Variants in ACSL3 observed in about 807,000 individuals in gnomAD.
ACSL3 encodes the protein fatty acid CoA ligase Acsl3.
In ACSL3, 34 loss-of-function variants were observed where a neutral mutation model predicts 84.7. The observed-to-expected ratio is 0.40, with a 90% CI of 0.31 to 0.53. The LOEUF is 0.53. Among genes scored for constraint, ACSL3 ranks in the 20% least tolerant of loss-of-function variants. The pLI, the probability that ACSL3 is intolerant of heterozygous loss-of-function variation, is 0.48. For missense variants in ACSL3, 680 were observed against 873.1 expected (o/e 0.78, Z 2.79); for synonymous variants, 315 against 299.4 (o/e 1.05, Z -0.54).
chr2:222,928,595 C>T (rs896387627), intron 12 of ACSL3, among the ~76,000 whole-genome samples: 7 of 150,748 alleles, frequency 4.6e-5, no homozygotes, highest in African/African-American at 9.8e-5. Context: ...TTGTTGCTGG[C>T]GATTCCACAC....
intron 1 of ACSL3, among the ~76,000 whole-genome samples, chr2:222,872,397 A>G (rs369725418): frequency 6.6e-5 from 10 of 152,192 alleles, no homozygotes; most frequent in Admixed American, 2.0e-4. Flanking sequence ...AACTGCTGGG[A>G]TTACAGGTGC....
rs747950437 is a variant in ACSL3 at position 222,934,699 on chromosome 2, G to C, written c.2005+12G>C. 2 of 1,602,392 alleles carry C rather than the reference G, an allele frequency of 1.2e-6. No homozygotes were observed. Among genetic ancestry groups the C allele is most frequent in the Non-Finnish European group, 1.7e-6 (2 of 1,176,230 alleles). Reference sequence around the variant, plus strand: ...AGCTGCTATTTCAGGTGAGTATTCGGTTAAACTGATACTAAAAACTGAGAT... The same window carrying C: ...AGCTGCTATTTCAGGTGAGTATTCGCTTAAACTGATACTAAAAACTGAGAT... On this transcript the variant is annotated intron_variant, in intron 16 of 16. Coordinates refer to ENST00000357430, the MANE Select transcript of ACSL3 (RefSeq NM_004457.5).
At chr2:222,882,797 T>C (rs1695624477) in intron 1 of ACSL3, among the ~76,000 whole-genome samples, 1 of 145,964 alleles carries the variant, frequency 6.9e-6, no homozygotes, top group African/African-American at 2.5e-5. Flanking sequence ...AGATTCTCGC[T>C]CTGTCGCCCA....
intron 4 of ACSL3, 142 bp from the exon 5 acceptor site, chr2:222,916,177 C>T (rs1574551970): frequency 2.0e-6 from 1 of 500,542 alleles, no homozygotes; most frequent in Admixed American, 4.0e-5. Context: ...TTCACTCAAA[C>T]TCAGTTTCTG....
At chr2:222,930,519 T>C (rs1383573747) in intron 13 of ACSL3, 102 bp from the exon 14 acceptor site, 2 of 1,040,536 alleles carry the variant, frequency 1.9e-6, no homozygotes, top group Middle Eastern at 2.9e-4. Context: ...CTTTGGGAAG[T>C]TCTAATTGGA....
chr2:222,940,010 T>C (rs911191304), intron 16 of ACSL3, among the ~76,000 whole-genome samples: 1 of 152,230 alleles, frequency 6.6e-6, no homozygotes, highest in Non-Finnish European at 1.5e-5. Context: ...CATGTAGTAA[T>C]AGTTTTTTAA....
intron 2 of ACSL3, among the ~76,000 whole-genome samples, chr2:222,890,937 C>T (rs1278838754): frequency 6.6e-6 from 1 of 152,190 alleles, no homozygotes; most frequent in Non-Finnish European, 1.5e-5. Flanking sequence ...GCCATTGTAC[C>T]TGGCCGAAAA....
intron 5 of ACSL3, chr2:222,917,821 T>C (rs1179297733): frequency 3.0e-6 from 1 of 331,458 alleles, no homozygotes; most frequent in African/African-American, 2.1e-5. Context: ...AATTTAAATA[T>C]CTTCATCTTT....
At chr2:222,893,766 A>T (rs1220007850) in intron 2 of ACSL3, among the ~76,000 whole-genome samples, 1 of 122,822 alleles carries the variant, frequency 8.1e-6, no homozygotes, top group African/African-American at 3.1e-5. Flanking sequence ...TTCCCTTCCC[A>T]CCTCTCCCCA....
intron 16 of ACSL3, among the ~76,000 whole-genome samples, chr2:222,937,270 G>C (rs532481657): frequency 1.3e-5 from 2 of 152,072 alleles, no homozygotes; most frequent in Admixed American, 6.5e-5. Flanking sequence ...TTTTCGTGTT[G>C]ATTTTTTTTA....
At chr2:222,906,714 A>G (rs1696302799) in intron 3 of ACSL3, among the ~76,000 whole-genome samples, 1 of 151,940 alleles carries the variant, frequency 6.6e-6, no homozygotes, top group Non-Finnish European at 1.5e-5. Context: ...TCCCAGGTTC[A>G]AGCGATTCTC....
chr2:222,883,933 T>C (rs1319025336), intron 1 of ACSL3, among the ~76,000 whole-genome samples: 4 of 152,236 alleles, frequency 2.6e-5, no homozygotes, highest in Non-Finnish European at 4.4e-5. Flanking sequence ...TCTGTTAATA[T>C]ATAGCATTGC....
chr2:222,928,158 T>C (rs1319270296), intron 12 of ACSL3, among the ~76,000 whole-genome samples: 1 of 152,234 alleles, frequency 6.6e-6, no homozygotes, highest in Non-Finnish European at 1.5e-5. Flanking sequence ...AATGCAATAG[T>C]AATTCATAAT....
chr2:222,939,729 G>C (rs542274913), intron 16 of ACSL3, among the ~76,000 whole-genome samples: 1 of 152,212 alleles, frequency 6.6e-6, no homozygotes, highest in African/African-American at 2.4e-5. Flanking sequence ...TTCTGTCCCG[G>C]AGTGTAGGAA....
At chr2:222,877,725 T>C (rs533193374) in intron 1 of ACSL3, among the ~76,000 whole-genome samples, 2 of 152,306 alleles carry the variant, frequency 1.3e-5, no homozygotes, top group East Asian at 1.9e-4. Flanking sequence ...TGCTAGAAAT[T>C]TGGATGGAAC....
intron 1 of ACSL3, among the ~76,000 whole-genome samples, chr2:222,876,854 C>A (rs1204633586): frequency 1.3e-5 from 2 of 151,930 alleles, no homozygotes; most frequent in African/African-American, 4.8e-5. Context: ...TAATGGTATG[C>A]CTGAAGTGTT....
intron 1 of ACSL3, among the ~76,000 whole-genome samples, chr2:222,880,583 C>T (rs758320071): frequency 6.6e-6 from 1 of 152,068 alleles, no homozygotes; most frequent in Non-Finnish European, 1.5e-5. Flanking sequence ...AATCCCAGCA[C>T]TTTGGGAGGC....
At position 222,941,664 on chromosome 2, in the gene ACSL3, T is replaced by C. The variant is rs1269734616; in HGVS notation, c.*10T>C. 1.8e-5 allele frequency: 29 copies of C among 1,608,624 alleles called. No homozygotes were observed. The Admixed American group carries it at 4.7e-4, about 26-fold the overall frequency. On this transcript the variant is annotated 3_prime_UTR_variant, in exon 17 of 17. Coordinates refer to ENST00000357430, the MANE Select transcript of ACSL3 (RefSeq NM_004457.5). ...GTATGGAAGAAAATAATTATTCTCT[T>C]CTGGCATCAGTTTGCTACAGTGAGC... is the stretch of plus-strand genomic sequence containing the variant.
At position 222,928,877 on chromosome 2, in the gene ACSL3, C is replaced by T; in HGVS notation, c.1481C>T (p.Thr494Ile). ...TAATTCCTAGTGTGGGACTACAATACTGGCAGAGTGGGAGCACCATTAGTT... is the reference window on the plus strand; with the variant it reads ...TAATTCCTAGTGTGGGACTACAATATTGGCAGAGTGGGAGCACCATTAGTT... ...GTISEVWDYN[T>I]GRVGAPLVCC... The change falls in exon 13 of 17, where the codon ACT becomes ATT. Residue 494 changes from threonine (T) to isoleucine (I), a missense_variant. Transcript: ENST00000357430. 6.2e-7 allele frequency: 1 copy of T among 1,613,494 alleles called. No individual in the cohort carries two copies. The highest frequency in any genetic ancestry group is 8.5e-7 in the Non-Finnish European group (1 of 1,179,654).
Sources: gnomAD v4.1 joint callset for allele counts (sites outside exome capture counted in the v4.1 genomes callset) on GRCh38, gnomAD v4.1.1 for gene constraint, MANE v1.5 for transcripts, NCBI Gene and HGNC (gene_info 2026-07-23, HGNC 2026-07-21) for gene names.